GAREM1: variants seen among roughly 807,000 people sequenced by gnomAD.
GAREM1 encodes GRB2 associated regulator of MAPK1 subtype 1, also known as GRB2-associated and regulator of MAPK protein 1.
In GAREM1, 26 loss-of-function variants were observed where a neutral mutation model predicts 71.3. The ratio of observed to expected loss-of-function variants is 0.36; its 90% CI spans 0.27 to 0.51. GAREM1 has a LOEUF of 0.51. GAREM1 is among the 20% of genes least tolerant of loss of function. The pLI is 0.95. For missense variants in GAREM1, 1,026 were observed against 1,103.1 expected (o/e 0.93, Z 0.99); for synonymous variants, 440 against 433.2 (o/e 1.02, Z -0.20).
chr18:32,315,945 TGGG>T (rs1335999867), intron 2 of GAREM1, among the ~76,000 whole-genome samples: 3 of 152,192 alleles, frequency 2.0e-5, no homozygotes, highest in African/African-American at 7.2e-5. Context: ...TCTCCCAACT[TGGG>T]TTCTTGTTTT....
rs1372600880 is a variant in GAREM1 at position 32,392,986 on chromosome 18, G to A, written c.171C>T (p.Ser57=). 6.2e-7 allele frequency: 1 copy of A among 1,613,684 alleles called. No individual in the cohort carries two copies. Among genetic ancestry groups the A allele is most frequent in the Non-Finnish European group, 8.5e-7 (1 of 1,179,868 alleles). ...CAGTGATGGTGGTCCACTGGCGGCA[G>A]GAATGAATCAGCAGATAGTCATTTT... ...LRENDYLLIH[S]CRQWTTITAH... Residue 57 remains serine, a synonymous_variant, in exon 2 of 6, where the codon TCC becomes TCT. Transcript: ENST00000269209.
At chr18:32,282,692 G>T (rs962705753) in intron 4 of GAREM1, among the ~76,000 whole-genome samples, 1 of 152,292 alleles carries the variant, frequency 6.6e-6, no homozygotes, top group East Asian at 1.9e-4. Flanking sequence ...TTACAGGTGT[G>T]AGCCACGGTG....
intron 2 of GAREM1, among the ~76,000 whole-genome samples, chr18:32,347,575 G>A (rs532437323): frequency 2.6e-5 from 4 of 152,252 alleles, no homozygotes; most frequent in East Asian, 3.9e-4. Context: ...TTTCAAAGGC[G>A]AACTGAGGGA....
At chr18:32,469,034 C>T (rs1018949254) in intron 1 of GAREM1, among the ~76,000 whole-genome samples, 14 of 141,548 alleles carry the variant, frequency 9.9e-5, no homozygotes, top group Admixed American at 1.5e-4. Flanking sequence ...TTTAAAACTT[C>T]CAGCTTATTC....
At chr18:32,397,164 T>C (rs1484785460) in intron 1 of GAREM1, among the ~76,000 whole-genome samples, 2 of 152,036 alleles carry the variant, frequency 1.3e-5, no homozygotes, top group African/African-American at 2.4e-5. Context: ...ACTAAGCATG[T>C]AAAGGAACAA....
At chr18:32,286,988 G>A in intron 4 of GAREM1, 43 bp downstream of exon 4, 1 of 1,370,678 alleles carries the variant, frequency 7.3e-7, no homozygotes, top group African/African-American at 1.4e-5. Context: ...TGAGCAGAGA[G>A]ACAGAAAGAC....
chr18:32,286,359 T>TGC (rs59251397), intron 4 of GAREM1, among the ~76,000 whole-genome samples: 11 of 151,122 alleles, frequency 7.3e-5, no homozygotes, highest in African/African-American at 2.4e-4. Flanking sequence ...TGTGTGTGTG[T>TGC]ATAATACATT....
At position 32,268,186 on chromosome 18, in the gene GAREM1, G is replaced by A; in HGVS notation, c.2316C>T (p.Gly772=). 1.2e-6 allele frequency: 2 copies of A among 1,614,114 alleles called. No homozygotes were observed. Among genetic ancestry groups the A allele is most frequent in the Non-Finnish European group, 1.7e-6 (2 of 1,180,014 alleles). ...AGGAGGCAGAGAAGATGTCCTGCAT[G>A]CCCTTTTTAACAAAATACTGGTCCT... ...LSEDQYFVKK[G]MQDIFSASYP... is the part of the protein sequence containing the mutation. The change falls in exon 6 of 6, where the codon GGC becomes GGT. Residue 772 remains glycine, a synonymous_variant. Coordinates refer to ENST00000269209, the MANE Select transcript of GAREM1 (RefSeq NM_001242409.2).
At chr18:32,420,630 C>T (rs532899308) in intron 1 of GAREM1, among the ~76,000 whole-genome samples, 5 of 152,104 alleles carry the variant, frequency 3.3e-5, no homozygotes, top group African/African-American at 1.2e-4. Context: ...AACAGAATCC[C>T]GGCTGACGCA....
intron 4 of GAREM1, among the ~76,000 whole-genome samples, chr18:32,272,473 C>G (rs878944246): frequency 6.6e-6 from 1 of 152,170 alleles, no homozygotes; most frequent in Admixed American, 6.5e-5. Context: ...CAGATTTCTT[C>G]CACAATAGAC....
chr18:32,283,869 C>G (rs1208583441), intron 4 of GAREM1, among the ~76,000 whole-genome samples: 1 of 152,138 alleles, frequency 6.6e-6, no homozygotes, highest in East Asian at 1.9e-4. Flanking sequence ...CTTTGACTGC[C>G]ATGGCACCTT....
rs1159847555 is a variant in GAREM1, at chr18:32,364,011, TATATATATATATATA to T, written c.262+28869_262+28883del. 9.6e-4 allele frequency among the ~76,000 whole-genome samples: 55 copies of T among 57,492 alleles called. 1 individual carries two copies. The highest frequency in any genetic ancestry group is 3.9e-3 in the African/African-American group (43 of 11,112). 37.7% of individuals were successfully genotyped at this position (57,492 alleles called of 152,430 possible). ...ACATATATACATATATATATATATA[TATATATATATATATA>T]TGTTTTTTTTTTTTTTTTTTTTTTG... On this transcript the variant is annotated intron_variant, in intron 2 of 5. Coordinates refer to ENST00000269209, the MANE Select transcript of GAREM1 (RefSeq NM_001242409.2).
intron 1 of GAREM1, chr18:32,412,181 G>A: frequency 1.3e-6 from 2 of 1,531,122 alleles, no homozygotes; most frequent in Non-Finnish European, 1.8e-6. Flanking sequence ...TCACTTCTCT[G>A]GCTCTCCTCT....
At chr18:32,368,200 A>G (rs1311527014) in intron 2 of GAREM1, among the ~76,000 whole-genome samples, 1 of 152,064 alleles carries the variant, frequency 6.6e-6, no homozygotes, top group Non-Finnish European at 1.5e-5. Context: ...CAATAGATTC[A>G]GGCACTTTTG....
In GAREM1 at chr18:32,310,263, C is replaced by T. The variant is rs776502086; in HGVS notation, c.323G>A (p.Ser108Asn). Residue 108 changes from serine to asparagine, a missense_variant, in exon 3 of 6, where the codon AGT becomes AAT. By Grantham distance (46) the Ser-to-Asn change is conservative. This residue lies in a region of GAREM1 where 172 missense variants were observed against 175.2 expected (regional missense o/e 0.98). Transcript: ENST00000269209. ...DIKEPVQYFN[S>N]VEEVAKAFPE... ...AAATGCCTTAGCCACCTCCTCCACA[C>T]TGTTGAAATATTGCACTGGCTCCTT... is the stretch of plus-strand genomic sequence containing the variant. 6.2e-7 allele frequency: 1 copy of T among 1,614,180 alleles called. No homozygotes were observed. Among genetic ancestry groups the T allele is most frequent in the South Asian group, 1.1e-5 (1 of 91,088 alleles).
At chr18:32,390,789 C>T (rs1416510043) in intron 2 of GAREM1, among the ~76,000 whole-genome samples, 1 of 152,140 alleles carries the variant, frequency 6.6e-6, no homozygotes, top group African/African-American at 2.4e-5. Context: ...AATGGGTTCC[C>T]AACACTGGCT....
chr18:32,421,139 C>G (rs572073020), intron 1 of GAREM1, among the ~76,000 whole-genome samples: 1 of 152,126 alleles, frequency 6.6e-6, no homozygotes, highest in African/African-American at 2.4e-5. Flanking sequence ...CAAGCACAGG[C>G]CCAGTAAGTT....
At chr18:32,341,217 G>C (rs1249614447) in intron 2 of GAREM1, among the ~76,000 whole-genome samples, 1 of 152,174 alleles carries the variant, frequency 6.6e-6, no homozygotes, top group African/African-American at 2.4e-5. Context: ...CTGTGAGTGA[G>C]AGCATGCAGT....
chr18:32,470,285 C>T lies in GAREM1; in HGVS notation c.121+23G>A. 1.3e-6 allele frequency: 2 copies of T among 1,491,280 alleles called. No homozygotes were observed. The highest frequency in any genetic ancestry group is 1.8e-6 in the Non-Finnish European group (2 of 1,117,752). 92.4% of individuals were successfully genotyped at this position (1,491,280 alleles called of 1,614,324 possible). ...GAGACGGCTGTCCTCGCCCGTCTGCCCCGCGCCCCAGCTGGGACTCACCGT... is the reference window on the plus strand; with the variant it reads ...GAGACGGCTGTCCTCGCCCGTCTGCTCCGCGCCCCAGCTGGGACTCACCGT... On this transcript the variant is annotated intron_variant, in intron 1 of 5. Coordinates refer to ENST00000269209, the MANE Select transcript of GAREM1 (RefSeq NM_001242409.2). This position sits in a 1 kb window ranked among gnomAD's most constrained non-coding sequence, Gnocchi z 4.4.
Sources: allele counts gnomAD v4.1 joint callset (sites outside exome capture counted in the v4.1 genomes callset), GRCh38; gene constraint gnomAD v4.1.1; regional missense constraint gnomAD v4.1.1; non-coding constraint Gnocchi (gnomAD v3.1); transcripts MANE v1.5; gene names NCBI Gene and HGNC (gene_info 2026-07-23, HGNC 2026-07-21).